Variants in PTGES observed in about 807,000 individuals in gnomAD.
PTGES encodes the protein MGST1-like 1.
A neutral mutation model predicts 11.8 loss-of-function variants in PTGES; 3 were observed. That is an observed-to-expected ratio of 0.25 (90% CI 0.12 to 0.66). The LOEUF is 0.66. Among genes scored for constraint, PTGES ranks in the 30% least tolerant of loss-of-function variants. The probability of loss-of-function intolerance (pLI) is 0.82; values close to 1 mark genes in which losing one functional copy is unlikely to be tolerated. For missense variants in PTGES, 180 were observed against 213.0 expected, an observed-to-expected ratio of 0.85 and a Z score of 0.96; for synonymous variants, 94 against 90.4, an observed-to-expected ratio of 1.04 and a Z score of -0.22.
chr9:129,750,181 C>T (rs957170306), intron 1 of PTGES, among the ~76,000 whole-genome samples: 12 of 152,200 alleles, frequency 7.9e-5, no homozygotes, highest in Non-Finnish European at 1.5e-4. Flanking sequence ...CTGCTGGCAT[C>T]CAGACAGTCA....
intron 2 of PTGES, among the ~76,000 whole-genome samples, chr9:129,743,549 C>T (rs962841974): frequency 7.2e-5 from 11 of 152,194 alleles, no homozygotes; most frequent in African/African-American, 2.4e-4. Flanking sequence ...TAGGTGACAG[C>T]GGTGAGGACA....
Position 129,739,433 on chromosome 9 carries a change from T to G in PTGES, c.*178A>C. 3 of 828,294 alleles carry G rather than the reference T, an allele frequency of 3.6e-6. No homozygotes were observed. The South Asian group carries it at 5.5e-5, about 15-fold the overall frequency. The allele number at this position is 828,294 out of a possible 1,614,324, so 51.3% of individuals were successfully genotyped here. A position where few individuals can be genotyped will look rare whatever the true frequency, so the allele number is the denominator to read the frequency against. On this transcript the variant is annotated 3_prime_UTR_variant, in exon 3 of 3. Coordinates refer to ENST00000340607, the MANE Select transcript of PTGES (RefSeq NM_004878.5). This position sits in a 1 kb window ranked among gnomAD's most constrained non-coding sequence, Gnocchi z 5.7. ...GGGCTAAGAAACATACACACACACA[T>G]ACACACACACGGGCACACACACAGG...
At chr9:129,750,916 T>C (rs1429300547) in intron 1 of PTGES, among the ~76,000 whole-genome samples, 1 of 152,146 alleles carries the variant, frequency 6.6e-6, no homozygotes, top group African/African-American at 2.4e-5. Flanking sequence ...CACGTTGTCA[T>C]GAGGAACACC....
chr9:129,748,862 C>A, intron 1 of PTGES, 125 bp from the exon 2 acceptor site: 1 of 737,488 alleles, frequency 1.4e-6, no homozygotes, highest in Non-Finnish European at 2.1e-6. Context: ...CACACCCATC[C>A]AACCATCATC....
At chr9:129,752,793 C>A in intron 1 of PTGES, 94 bp downstream of exon 1, 1 of 1,594,348 alleles carries the variant, frequency 6.3e-7, no homozygotes, top group Non-Finnish European at 8.6e-7. Context: ...CCTGCACACA[C>A]CTTGGCCATG....
chr9:129,740,090 T>C (rs1015364509), intron 2 of PTGES, among the ~76,000 whole-genome samples: 11 of 151,950 alleles, frequency 7.2e-5, no homozygotes, highest in Admixed American at 7.2e-4. Context: ...GGCCACGTCA[T>C]GGGCTGGGAG....
chr9:129,739,431 C>CAT lies in PTGES; in HGVS notation c.*178_*179dup, dbSNP rs1000632800. On this transcript the variant is annotated 3_prime_UTR_variant, in exon 3 of 3. Coordinates refer to ENST00000340607, the MANE Select transcript of PTGES (RefSeq NM_004878.5). This position sits in a 1 kb window ranked among gnomAD's most constrained non-coding sequence, Gnocchi z 5.7. ...AGGGGCTAAGAAACATACACACACACATACACACACACGGGCACACACACA... is the reference window on the plus strand; with the variant it reads ...AGGGGCTAAGAAACATACACACACACATATACACACACACGGGCACACACACA... The CAT allele has an allele frequency of 1.4e-5, 11 of 806,308 alleles. No homozygotes were observed. Among genetic ancestry groups the CAT allele is most frequent in the African/African-American group, 6.9e-5 (4 of 57,626 alleles). The allele number at this position is 806,308 out of a possible 1,614,324, so 49.9% of individuals were successfully genotyped here. A position where few individuals can be genotyped will look rare whatever the true frequency, so the allele number is the denominator to read the frequency against.
At chr9:129,751,832 G>A (rs1564164286) in intron 1 of PTGES, among the ~76,000 whole-genome samples, 1 of 152,178 alleles carries the variant, frequency 6.6e-6, no homozygotes, top group Admixed American at 6.6e-5. Flanking sequence ...CTGCCCTCAG[G>A]GCTGTGGCGG....
chr9:129,749,853 G>A (rs536619671), intron 1 of PTGES, among the ~76,000 whole-genome samples: 1 of 152,266 alleles, frequency 6.6e-6, no homozygotes, highest in Admixed American at 6.5e-5. Flanking sequence ...CAAGATAAAG[G>A]GACAGGGGTC....
intron 1 of PTGES, 52 bp downstream of exon 1, chr9:129,752,835 G>C (rs1178676347): frequency 5.0e-6 from 8 of 1,612,952 alleles, no homozygotes; most frequent in South Asian, 3.3e-5. Flanking sequence ...CTGACAGGAC[G>C]TGGAGAGAAG....
intron 2 of PTGES, among the ~76,000 whole-genome samples, chr9:129,740,204 C>A (rs1272629774): frequency 6.6e-6 from 1 of 152,074 alleles, no homozygotes; most frequent in African/African-American, 2.4e-5. Context: ...CCCTTGGATA[C>A]CAGGCAGGAA....
At chr9:129,744,327 C>T (rs543376632) in intron 2 of PTGES, among the ~76,000 whole-genome samples, 19 of 152,292 alleles carry the variant, frequency 1.2e-4, no homozygotes. Context: ...GTGGCACACA[C>T]CTGTGATCTC....
Position 129,739,892 on chromosome 9 carries a change from G to A in PTGES, c.210-32C>T. 1 of 1,551,582 alleles carries A rather than the reference G, an allele frequency of 6.4e-7. No homozygotes were observed. The highest frequency in any genetic ancestry group is 8.7e-7 in the Non-Finnish European group (1 of 1,146,294). ...AGACAAGAGGGGTGCGGTCAGCCAG[G>A]TATTAGCTTTGGGGCCATAGGCCCT... is the stretch of plus-strand genomic sequence containing the variant. On this transcript the variant is annotated intron_variant, in intron 2 of 2. Transcript: ENST00000340607. The surrounding 1 kb of genome is among the most constrained non-coding windows in gnomAD (Gnocchi z 5.7).
rs189727275 is a variant in PTGES at position 129,753,042 on chromosome 9, T to C, written c.-30A>G. On this transcript the variant is annotated 5_prime_UTR_variant, in exon 1 of 3. Coordinates refer to ENST00000340607, the MANE Select transcript of PTGES (RefSeq NM_004878.5). The stretch of plus-strand genomic sequence containing the variant: ...GGCCAGCGCAGCTCAACTGTGGGTG[T>C]GATCAGCTCGACAGAGGAGCAGCCT... 3.7e-4 allele frequency: 585 copies of C among 1,592,430 alleles called. 6 individuals carry two copies. In the African/African-American group the frequency reaches 7.0e-3, roughly 19 times the overall value.
At position 129,739,931 on chromosome 9, in the gene PTGES, T is replaced by C; in HGVS notation, c.210-71A>G. 2.0e-6 allele frequency: 3 copies of C among 1,500,514 alleles called. No individual in the cohort carries two copies. Among genetic ancestry groups the C allele is most frequent in the South Asian group, 1.3e-5 (1 of 76,600 alleles). The allele number at this position is 1,500,514 out of a possible 1,614,324, so 92.9% of individuals were successfully genotyped here. A position where few individuals can be genotyped will look rare whatever the true frequency, so the allele number is the denominator to read the frequency against. Reference sequence around the variant, plus strand: ...GCCATAGGCCCTTTTGAGAGTGTCATGGAAGCTGGGGGTGCTTTGACCCAC... The same window carrying C: ...GCCATAGGCCCTTTTGAGAGTGTCACGGAAGCTGGGGGTGCTTTGACCCAC... On this transcript the variant is annotated intron_variant, in intron 2 of 2. Transcript: ENST00000340607. This position sits in a 1 kb window ranked among gnomAD's most constrained non-coding sequence, Gnocchi z 5.7.
At chr9:129,741,246 A>G (rs1166047499) in intron 2 of PTGES, among the ~76,000 whole-genome samples, 1 of 152,220 alleles carries the variant, frequency 6.6e-6, no homozygotes, top group Non-Finnish European at 1.5e-5. Flanking sequence ...TGAGGTCACA[A>G]TAAGCACAGC....
At chr9:129,742,871 C>CA (rs764985510) in intron 2 of PTGES, among the ~76,000 whole-genome samples, 1,761 of 118,834 alleles carry the variant, frequency 0.015, 14 homozygotes, top group Middle Eastern at 0.059. Flanking sequence ...GACTCCGTCT[C>CA]AAAAAAAAAA....
intron 1 of PTGES, among the ~76,000 whole-genome samples, chr9:129,749,261 G>A (rs556648550): frequency 1.3e-5 from 2 of 151,992 alleles, no homozygotes; most frequent in Admixed American, 1.3e-4. Context: ...ACGCCTGTGA[G>A]CCAAGCACTT....
rs10739757 is a variant in PTGES, at chr9:129,745,631, T to C, written c.209+3024A>G. ...GACTTGGGCCCAGTATACAGTCGGC[T>C]TCCAGTAAGTCCTCACCAAATGGCT... On this transcript the variant is annotated intron_variant, in intron 2 of 2. Coordinates refer to ENST00000340607, the MANE Select transcript of PTGES (RefSeq NM_004878.5). This position sits in a 1 kb window ranked among gnomAD's most constrained non-coding sequence, Gnocchi z 4.2. Among the ~76,000 whole-genome samples, 25,500 of 152,144 alleles carry C rather than the reference T, an allele frequency of 0.17. 2,674 individuals are homozygous for C. Among genetic ancestry groups the C allele is most frequent in the African/African-American group, 0.29 (12,155 of 41,484 alleles).
Sources: gnomAD v4.1 joint callset for allele counts (sites outside exome capture counted in the v4.1 genomes callset) on GRCh38, gnomAD v4.1.1 for gene constraint, Gnocchi (gnomAD v3.1) non-coding constraint, MANE v1.5 for transcripts, NCBI Gene and HGNC (gene_info 2026-07-23, HGNC 2026-07-21) for gene names.